Variants in MAST4 observed in about 807,000 individuals in gnomAD.
MAST4 encodes microtubule-associated serine/threonine-protein kinase 4.
MAST4 carries 89 observed loss-of-function variants against 162.7 expected under a neutral mutation model. The ratio of observed to expected loss-of-function variants is 0.55; its 90% CI spans 0.46 to 0.65. The LOEUF is 0.65. Among genes scored for constraint, MAST4 ranks in the 30% least tolerant of loss-of-function variants. The pLI is 0.00. For missense variants in MAST4, 3,153 were observed against 3,374.0 expected, an observed-to-expected ratio of 0.93 and a Z score of 1.62; for synonymous variants, 1,479 against 1,361.1, an observed-to-expected ratio of 1.09 and a Z score of -1.91.
intron 1 of MAST4, among the ~76,000 whole-genome samples, chr5:66,691,325 T>G (rs927492913): frequency 1.3e-5 from 2 of 152,210 alleles, no homozygotes; most frequent in Non-Finnish European, 2.9e-5. Context: ...AATTACTACT[T>G]TTTCAAGTGT....
At chr5:66,650,575 C>G (rs1400368489) in intron 1 of MAST4, among the ~76,000 whole-genome samples, 2 of 152,106 alleles carry the variant, frequency 1.3e-5, no homozygotes, top group Non-Finnish European at 2.9e-5. Context: ...CATTGTTTTG[C>G]TATAATTTAA....
Position 67,164,693 on chromosome 5 carries a change from T to C in MAST4, c.5514T>C (p.Ser1838=). Residue 1838 remains serine, a synonymous_variant, in exon 29 of 29, where the codon TCT becomes TCC. Coordinates refer to ENST00000403625, the MANE Select transcript of MAST4 (RefSeq NM_001164664.2). The surrounding 1 kb of genome is among the most constrained non-coding windows in gnomAD (Gnocchi z 5.3). ...GCCCAAGTGGTGACGTGAGGGCCTC[T>C]GTGCCACCAGTTCTCCCCAGCAGCA... ...SPSPSGDVRA[S]VPPVLPSSSG... is the part of the protein sequence containing the mutation. The C allele has an allele frequency of 1.2e-6, 2 of 1,614,004 alleles. No individual in the cohort carries two copies. The highest frequency in any genetic ancestry group is 1.7e-6 in the Non-Finnish European group (2 of 1,179,898).
chr5:66,643,121 T>C (rs762435877), intron 1 of MAST4, among the ~76,000 whole-genome samples: 10 of 152,176 alleles, frequency 6.6e-5, no homozygotes, highest in Non-Finnish European at 1.0e-4. Flanking sequence ...TTTTTGCTTG[T>C]CAGTTATCTG....
chr5:66,610,393 C>T lies in MAST4; in HGVS notation c.363+13375C>T, dbSNP rs1188919411. ...TCAGCCTACAACAGCCTAATTAGTT[C>T]CCAGGATGATAAATTCCTAGGAATG... On this transcript the variant is annotated intron_variant, in intron 1 of 28. Coordinates refer to ENST00000403625, the MANE Select transcript of MAST4 (RefSeq NM_001164664.2). 3.9e-5 allele frequency among the ~76,000 whole-genome samples: 6 copies of T among 152,144 alleles called. 1 individual carries two copies. The East Asian group carries it at 1.2e-3, about 29-fold the overall frequency.
At chr5:66,808,046 G>A (rs1164151622) in intron 3 of MAST4, among the ~76,000 whole-genome samples, 2 of 152,184 alleles carry the variant, frequency 1.3e-5, no homozygotes, top group Non-Finnish European at 2.9e-5. Flanking sequence ...TACTACATGT[G>A]TTTGAAACTC....
intron 3 of MAST4, among the ~76,000 whole-genome samples, chr5:66,829,540 A>G (rs1337354469): frequency 6.6e-6 from 1 of 152,216 alleles, no homozygotes; most frequent in Non-Finnish European, 1.5e-5. Context: ...AACAACAACA[A>G]AACATCTGCT....
chr5:66,944,641 A>G (rs750557871), intron 4 of MAST4, among the ~76,000 whole-genome samples: 3 of 152,068 alleles, frequency 2.0e-5, no homozygotes, highest in Non-Finnish European at 4.4e-5. Context: ...ACATAGACTT[A>G]TACCTAGGTT....
intron 3 of MAST4, among the ~76,000 whole-genome samples, chr5:66,897,337 G>A (rs778575025): frequency 6.6e-6 from 1 of 152,056 alleles, no homozygotes; most frequent in Non-Finnish European, 1.5e-5. Context: ...AAAATAAAAT[G>A]AGGACACATA....
At chr5:67,147,994 C>T (rs1312264823) in intron 23 of MAST4, among the ~76,000 whole-genome samples, 2 of 152,186 alleles carry the variant, frequency 1.3e-5, no homozygotes, top group Non-Finnish European at 2.9e-5. Context: ...TAGACCACAG[C>T]TGTAAGATCT....
chr5:66,885,727 T>C (rs1761994746), intron 3 of MAST4, among the ~76,000 whole-genome samples: 1 of 152,200 alleles, frequency 6.6e-6, no homozygotes, highest in Non-Finnish European at 1.5e-5. Flanking sequence ...TAAGTTTTCA[T>C]TGAAGTAGGC....
At position 67,048,526 on chromosome 5, in the gene MAST4, A is replaced by T. The variant is rs184231797; in HGVS notation, c.675-5878A>T. ...AAAACAGGTTCAAAGAGATTTTTTTAAAATCAGACATATATGAATAGATAT... is the reference window on the plus strand; with the variant it reads ...AAAACAGGTTCAAAGAGATTTTTTTTAAATCAGACATATATGAATAGATAT... On this transcript the variant is annotated intron_variant, in intron 4 of 28. Transcript: ENST00000403625. Among the ~76,000 whole-genome samples the T allele has an allele frequency of 2.9e-3, 448 of 152,278 alleles. 1 individual carries two copies. The highest frequency in any genetic ancestry group is 4.7e-3 in the Non-Finnish European group (319 of 68,002).
chr5:67,128,453 C>T (rs1431435833), intron 14 of MAST4, among the ~76,000 whole-genome samples: 2 of 121,216 alleles, frequency 1.6e-5, no homozygotes, highest in Admixed American at 1.6e-4. Flanking sequence ...ACTAGAAAAC[C>T]AAAGAAATGA....
At chr5:67,147,938 G>A (rs539229167) in intron 23 of MAST4, among the ~76,000 whole-genome samples, 1 of 152,344 alleles carries the variant, frequency 6.6e-6, no homozygotes, top group South Asian at 2.1e-4. Flanking sequence ...ACCACAAAGT[G>A]TGCTATGACT....
chr5:66,961,610 G>T (rs772231416), intron 4 of MAST4, among the ~76,000 whole-genome samples: 1 of 152,196 alleles, frequency 6.6e-6, no homozygotes, highest in Non-Finnish European at 1.5e-5. Context: ...TGGCTTTCCA[G>T]TTTCTGAGAA....
intron 5 of MAST4, among the ~76,000 whole-genome samples, chr5:67,081,911 G>A (rs949582505): frequency 6.6e-6 from 1 of 152,028 alleles, no homozygotes; most frequent in Non-Finnish European, 1.5e-5. Flanking sequence ...ATCACAAAGG[G>A]AAAAATAATA....
intron 2 of MAST4, among the ~76,000 whole-genome samples, chr5:66,766,769 A>G (rs1754114827): frequency 6.6e-6 from 1 of 152,140 alleles, no homozygotes; most frequent in African/African-American, 2.4e-5. Flanking sequence ...AAACTTTCCT[A>G]TACACTCCAG....
At chr5:67,019,865 A>C (rs1343205835) in intron 4 of MAST4, among the ~76,000 whole-genome samples, 1 of 152,228 alleles carries the variant, frequency 6.6e-6, no homozygotes. Flanking sequence ...ATAGACTTCC[A>C]AAACCGTCTA....
chr5:67,010,162 A>G (rs1193156325), intron 4 of MAST4, among the ~76,000 whole-genome samples: 1 of 152,224 alleles, frequency 6.6e-6, no homozygotes, highest in African/African-American at 2.4e-5. Flanking sequence ...TCATTCAGCC[A>G]GTATCCCAAA....
At chr5:67,037,859 A>G (rs894527790) in intron 4 of MAST4, among the ~76,000 whole-genome samples, 1 of 142,182 alleles carries the variant, frequency 7.0e-6, no homozygotes, top group African/African-American at 2.6e-5. Flanking sequence ...TGCTAGACTC[A>G]TTGCCCAGGG....
Sources: allele counts gnomAD v4.1 joint callset (sites outside exome capture counted in the v4.1 genomes callset), GRCh38; gene constraint gnomAD v4.1.1; non-coding constraint Gnocchi (gnomAD v3.1); transcripts MANE v1.5; gene names NCBI Gene and HGNC (gene_info 2026-07-23, HGNC 2026-07-21).